The following LRRC4C variants were observed in gnomAD, a reference collection of about 807,000 sequenced individuals.
The protein encoded by LRRC4C is leucine-rich repeat-containing protein 4C.
LRRC4C carries 5 observed loss-of-function variants against 33.6 expected under a neutral mutation model. The ratio of observed to expected loss-of-function variants is 0.15; its 90% CI spans 0.08 to 0.31. LRRC4C has a LOEUF of 0.31. LRRC4C is among the 10% of genes least tolerant of loss of function. The pLI is 1.00. For missense variants in LRRC4C, 560 were observed against 796.7 expected (o/e 0.70, Z 3.58); for synonymous variants, 329 against 302.0 (o/e 1.09, Z -0.93).
chr11:41,365,108 A>C (rs1199684705), intron 1 of LRRC4C, among the ~76,000 whole-genome samples: 1 of 152,114 alleles, frequency 6.6e-6, no homozygotes, highest in Non-Finnish European at 1.5e-5. Context: ...CAGGAGACCA[A>C]GCAAAGTTCA....
chr11:41,278,014 G>A (rs1249573576), intron 1 of LRRC4C, among the ~76,000 whole-genome samples: 1 of 152,002 alleles, frequency 6.6e-6, no homozygotes, highest in South Asian at 2.1e-4. Flanking sequence ...GTACAATGGT[G>A]GTTACCAGAA....
chr11:41,016,309 A>G (rs1367394788), intron 1 of LRRC4C, among the ~76,000 whole-genome samples: 1 of 152,182 alleles, frequency 6.6e-6, no homozygotes, highest in East Asian at 1.9e-4. Flanking sequence ...ACTATATGAC[A>G]GGAGAGTGGC....
At chr11:41,263,555 T>A (rs1949050931) in intron 1 of LRRC4C, among the ~76,000 whole-genome samples, 1 of 152,170 alleles carries the variant, frequency 6.6e-6, no homozygotes, top group African/African-American at 2.4e-5. Context: ...TTTCTGCTAG[T>A]GCCTGGAAAC....
chr11:40,552,192 G>T, intron 3 of LRRC4C, among the ~76,000 whole-genome samples: 1 of 152,038 alleles, frequency 6.6e-6, no homozygotes, highest in East Asian at 1.9e-4. Context: ...ACATCCCATT[G>T]GTTCTATTTT....
intron 2 of LRRC4C, among the ~76,000 whole-genome samples, chr11:40,736,539 T>C (rs924849163): frequency 6.6e-6 from 1 of 152,132 alleles, no homozygotes; most frequent in Non-Finnish European, 1.5e-5. Context: ...AGTAATGACA[T>C]TGCTGGGTCA....
At chr11:41,410,675 C>T (rs904954886) in intron 1 of LRRC4C, among the ~76,000 whole-genome samples, 3 of 152,008 alleles carry the variant, frequency 2.0e-5, no homozygotes, top group African/African-American at 7.2e-5. Flanking sequence ...CTCCTGACCT[C>T]GTGATCCACC....
chr11:40,761,426 A>G (rs1274373363), intron 2 of LRRC4C, among the ~76,000 whole-genome samples: 1 of 152,122 alleles, frequency 6.6e-6, no homozygotes, highest in African/African-American at 2.4e-5. Flanking sequence ...TTCATCTTAT[A>G]TGTGAAGGGG....
At chr11:41,264,122 T>G (rs1234715670) in intron 1 of LRRC4C, among the ~76,000 whole-genome samples, 2 of 149,674 alleles carry the variant, frequency 1.3e-5, no homozygotes, top group Non-Finnish European at 3.0e-5. Flanking sequence ...AGATGGAGTC[T>G]CGCTTTATTG....
chr11:40,904,602 T>C (rs974555982), intron 2 of LRRC4C, among the ~76,000 whole-genome samples: 5 of 152,104 alleles, frequency 3.3e-5, no homozygotes, highest in Non-Finnish European at 5.9e-5. Flanking sequence ...GGCAAGTTGG[T>C]GAGAATCAGT....
At chr11:41,282,776 T>A (rs1198593446) in intron 1 of LRRC4C, among the ~76,000 whole-genome samples, 1 of 152,154 alleles carries the variant, frequency 6.6e-6, no homozygotes, top group Non-Finnish European at 1.5e-5. Flanking sequence ...GATGTGGGCA[T>A]CTGAATCCGA....
intron 2 of LRRC4C, among the ~76,000 whole-genome samples, chr11:40,778,645 GGGGC>G (rs1565050684): frequency 6.6e-6 from 1 of 152,168 alleles, no homozygotes; most frequent in Non-Finnish European, 1.5e-5. Flanking sequence ...GAAGGAAAAA[GGGGC>G]TGGCTAAATA....
chr11:40,531,828 A>G (rs968680542), intron 3 of LRRC4C, among the ~76,000 whole-genome samples: 1 of 151,830 alleles, frequency 6.6e-6, no homozygotes, highest in Middle Eastern at 3.4e-3. Context: ...TAAAGGAAAG[A>G]AGACAGTAAG....
At chr11:41,381,538 A>C (rs1953149695) in intron 1 of LRRC4C, among the ~76,000 whole-genome samples, 2 of 151,974 alleles carry the variant, frequency 1.3e-5, no homozygotes. Flanking sequence ...GAGGCAGGAG[A>C]ATCATTTGAA....
chr11:40,327,292 T>A (rs1946147875), intron 3 of LRRC4C, among the ~76,000 whole-genome samples: 1 of 149,488 alleles, frequency 6.7e-6, no homozygotes, highest in African/African-American at 2.5e-5. Context: ...TGGAGTCATG[T>A]GAGATGCCTT....
chr11:40,737,791 C>A (rs1947958839), intron 2 of LRRC4C, among the ~76,000 whole-genome samples: 1 of 152,116 alleles, frequency 6.6e-6, no homozygotes, highest in South Asian at 2.1e-4. Context: ...AATGGTCATA[C>A]TGCCCAAAGT....
At chr11:40,797,236 T>C (rs1475854625) in intron 2 of LRRC4C, among the ~76,000 whole-genome samples, 1 of 152,080 alleles carries the variant, frequency 6.6e-6, no homozygotes, top group African/African-American at 2.4e-5. Flanking sequence ...CAGATATCTC[T>C]GATTGGGATA....
chr11:41,354,369 A>G (rs1196661200), intron 1 of LRRC4C, among the ~76,000 whole-genome samples: 1 of 152,202 alleles, frequency 6.6e-6, no homozygotes, highest in Non-Finnish European at 1.5e-5. Context: ...GAAAGAAATC[A>G]GAGATGACAC....
intron 5 of LRRC4C, among the ~76,000 whole-genome samples, chr11:40,207,667 T>G (rs1196750584): frequency 6.6e-6 from 1 of 152,186 alleles, no homozygotes; most frequent in Non-Finnish European, 1.5e-5. Context: ...TAAAACATCC[T>G]TGCTTTCCTG....
intron 5 of LRRC4C, among the ~76,000 whole-genome samples, chr11:40,197,294 A>G (rs1040696644): frequency 6.6e-6 from 1 of 152,150 alleles, no homozygotes; most frequent in Non-Finnish European, 1.5e-5. Context: ...ATCTGACCCC[A>G]TGGGAGTTTA....
Sources: gnomAD v4.1 joint callset for allele counts (sites outside exome capture counted in the v4.1 genomes callset) on GRCh38, gnomAD v4.1.1 for gene constraint, MANE v1.5 for transcripts, NCBI Gene and HGNC (gene_info 2026-07-23, HGNC 2026-07-21) for gene names.